Variants in ARRDC4 observed in about 807,000 individuals in gnomAD.
ARRDC4 encodes arrestin domain-containing protein 4.
Under a neutral mutation model 44.6 loss-of-function variants are expected in ARRDC4, and 40 were observed. The observed-to-expected ratio is 0.90, with a 90% CI of 0.70 to 1.17. The LOEUF is 1.17. ARRDC4 is among the 50% of genes most tolerant of loss of function. ARRDC4 has a pLI of 0.00. For synonymous variants in ARRDC4, 211 were observed against 221.2 expected, an observed-to-expected ratio of 0.95 and a Z score of 0.41; for missense variants, 550 against 559.1, an observed-to-expected ratio of 0.98 and a Z score of 0.16.
Position 97,966,053 on chromosome 15 carries a change from C to T in ARRDC4, c.522+11C>T. The T allele has an allele frequency of 6.2e-7, 1 of 1,613,788 alleles. No individual in the cohort carries two copies. On this transcript the variant is annotated intron_variant, in intron 3 of 7. Coordinates refer to ENST00000268042, the MANE Select transcript of ARRDC4 (RefSeq NM_183376.3). This position sits in a 1 kb window ranked among gnomAD's most constrained non-coding sequence, Gnocchi z 4.7. ...ACACCAGCATTATTAGTAAGTTCTT[C>T]CTTTTTCTCTTCCTCCTCCTTTTCC...
intron 1 of ARRDC4, among the ~76,000 whole-genome samples, chr15:97,964,449 T>C (rs1418370034): frequency 2.0e-5 from 3 of 152,180 alleles, no homozygotes; most frequent in Non-Finnish European, 4.4e-5. Flanking sequence ...GAAAGGACAG[T>C]GTATAAGTCT....
intron 5 of ARRDC4, 145 bp from the exon 6 acceptor site, chr15:97,969,738 C>A: frequency 1.3e-6 from 1 of 743,516 alleles, no homozygotes; most frequent in Non-Finnish European, 2.1e-6. Flanking sequence ...TTTGTTTAAT[C>A]AAGACAATTG....
rs763454177 is a variant in ARRDC4, at chr15:97,966,271, C to T, written c.522+229C>T. ...GTTAATACTATTGATTATGTCCCTGCTGTTCAGGGCTTCTTTTGCCAAAAA... is the reference window on the plus strand; with the variant it reads ...GTTAATACTATTGATTATGTCCCTGTTGTTCAGGGCTTCTTTTGCCAAAAA... On this transcript the variant is annotated intron_variant, in intron 3 of 7. Coordinates refer to ENST00000268042, the MANE Select transcript of ARRDC4 (RefSeq NM_183376.3). This position sits in a 1 kb window ranked among gnomAD's most constrained non-coding sequence, Gnocchi z 4.7. Among the ~76,000 whole-genome samples the T allele has an allele frequency of 6.6e-6, 1 of 152,100 alleles. No homozygotes were observed. The highest frequency in any genetic ancestry group is 1.5e-5 in the Non-Finnish European group (1 of 68,030).
rs951225090 is a variant in ARRDC4 at position 97,970,346 on chromosome 15, A to T, written c.1046-243A>T. Among the ~76,000 whole-genome samples, 5 of 152,146 alleles carry T rather than the reference A, an allele frequency of 3.3e-5. No homozygotes were observed. The highest frequency in any genetic ancestry group is 7.4e-5 in the Non-Finnish European group (5 of 68,022). The stretch of plus-strand genomic sequence containing the variant: ...GTATGGTGTGTTATGTCTTTTCTAT[A>T]GTCATATTTCAGTGATATTTGTTTA... On this transcript the variant is annotated intron_variant, in intron 6 of 7. Coordinates refer to ENST00000268042, the MANE Select transcript of ARRDC4 (RefSeq NM_183376.3). The surrounding 1 kb of genome is among the most constrained non-coding windows in gnomAD (Gnocchi z 4.2).
chr15:97,964,114 C>G (rs536723370), intron 1 of ARRDC4, among the ~76,000 whole-genome samples: 2 of 152,296 alleles, frequency 1.3e-5, no homozygotes, highest in African/African-American at 2.4e-5. Flanking sequence ...TTGATGTTAA[C>G]ACATTAAAAA....
intron 1 of ARRDC4, among the ~76,000 whole-genome samples, chr15:97,961,812 G>T (rs1334947653): frequency 6.6e-6 from 1 of 151,542 alleles, no homozygotes; most frequent in African/African-American, 2.4e-5. Flanking sequence ...CCTCCTACCC[G>T]CTTCTTCCCC....
In ARRDC4 at chr15:97,969,330, C is replaced by T; in HGVS notation, c.833C>T (p.Thr278Ile). The T allele has an allele frequency of 6.2e-7, 1 of 1,613,894 alleles. No individual in the cohort carries two copies. The highest frequency in any genetic ancestry group is 2.2e-5 in the East Asian group (1 of 44,878). ...AAAACGCTAAAAATCCCACCTGTTA[C>T]TCCATCCATCCTGGATTGCTGCATT... ...NGKTLKIPPV[T>I]PSILDCCIIR... is the part of the protein sequence containing the mutation. The change falls in exon 5 of 8, where the codon ACT becomes ATT. Residue 278 changes from threonine to isoleucine, a missense_variant. Thr to Ile is a moderately conservative substitution (Grantham distance 89). Coordinates refer to ENST00000268042, the MANE Select transcript of ARRDC4 (RefSeq NM_183376.3).
intron 4 of ARRDC4, 51 bp from the exon 5 acceptor site, chr15:97,969,072 A>T (rs1423642315): frequency 6.3e-7 from 1 of 1,587,318 alleles, no homozygotes; most frequent in South Asian, 1.1e-5. Context: ...CATTGTGGTG[A>T]GAACTTTTTC....
rs551083428 is a variant in ARRDC4, at chr15:97,962,853, C to T, written c.307+1685C>T. 1.1e-3 allele frequency among the ~76,000 whole-genome samples: 170 copies of T among 152,258 alleles called. 2 individuals are homozygous for T. The highest frequency in any genetic ancestry group is 2.2e-3 in the Admixed American group (34 of 15,294). On this transcript the variant is annotated intron_variant, in intron 1 of 7. Transcript: ENST00000268042. ...TTCTGGGGGTAATTTAATTACAAAA[C>T]CTGGCTGTGTTTCAATCACCTAAGG...
chr15:97,968,169 T>A lies in ARRDC4; in HGVS notation c.625+53T>A. On this transcript the variant is annotated intron_variant, in intron 4 of 7. Transcript: ENST00000268042. This position sits in a 1 kb window ranked among gnomAD's most constrained non-coding sequence, Gnocchi z 5.4. ...GAAAGATTTCATTCATTTTCTTAGC[T>A]AATTTTAAGTGATTTTAAATAGTGT... 8.2e-7 allele frequency: 1 copy of A among 1,218,554 alleles called. No homozygotes were observed. The allele number at this position is 1,218,554 out of a possible 1,614,324, so 75.5% of individuals were successfully genotyped here.
At chr15:97,964,090 C>G (rs1217177341) in intron 1 of ARRDC4, among the ~76,000 whole-genome samples, 5 of 152,188 alleles carry the variant, frequency 3.3e-5, no homozygotes. Context: ...AGGTGTGTCA[C>G]TTTTTTATCC....
Position 97,968,188 on chromosome 15 carries a change from A to AT in ARRDC4, c.625+73dup. On this transcript the variant is annotated intron_variant, in intron 4 of 7. Transcript: ENST00000268042. The surrounding 1 kb of genome is among the most constrained non-coding windows in gnomAD (Gnocchi z 5.4). Reference sequence around the variant, plus strand: ...CTTAGCTAATTTTAAGTGATTTTAAATAGTGTTTTTTGTAATTATATGACG... The same window carrying AT: ...CTTAGCTAATTTTAAGTGATTTTAAATTAGTGTTTTTTGTAATTATATGACG... 1 of 1,035,214 alleles carries AT rather than the reference A, an allele frequency of 9.7e-7. No homozygotes were observed. Among genetic ancestry groups the AT allele is most frequent in the Non-Finnish European group, 1.4e-6 (1 of 725,330 alleles). 64.1% of individuals were successfully genotyped at this position (1,035,214 alleles called of 1,614,324 possible).
In ARRDC4 at chr15:97,973,645, C is replaced by A. The variant is rs938752366; in HGVS notation, c.*2458C>A. 4 of 152,426 alleles carry A rather than the reference C, an allele frequency of 2.6e-5. No homozygotes were observed. The highest frequency in any genetic ancestry group is 4.4e-5 in the Non-Finnish European group (3 of 67,988). The allele number at this position is 152,426 out of a possible 1,614,324, so 9.4% of individuals were successfully genotyped here. A position where few individuals can be genotyped will look rare whatever the true frequency, so the allele number is the denominator to read the frequency against. ...TTGGTGCACAAAATCCTTCTGTGGG[C>A]AAAACTTTGTTTTTGTTTTGCACAG... On this transcript the variant is annotated 3_prime_UTR_variant, in exon 8 of 8. Transcript: ENST00000268042.
At position 97,970,865 on chromosome 15, in the gene ARRDC4, GT is replaced by G; in HGVS notation, c.1200+125del. 8.2e-7 allele frequency: 1 copy of G among 1,216,336 alleles called. No individual in the cohort carries two copies. Among genetic ancestry groups the G allele is most frequent in the Non-Finnish European group, 1.1e-6 (1 of 878,972 alleles). 75.3% of individuals were successfully genotyped at this position (1,216,336 alleles called of 1,614,324 possible). ...ATTAGTAAGGGATACATTTAAATTT[GT>G]TTATACAGTGGTAATAGATTATCGC... is the stretch of plus-strand genomic sequence containing the variant. On this transcript the variant is annotated intron_variant, in intron 7 of 7. Transcript: ENST00000268042. The surrounding 1 kb of genome is among the most constrained non-coding windows in gnomAD (Gnocchi z 4.2).
At position 97,973,376 on chromosome 15, in the gene ARRDC4, G is replaced by A. The variant is rs1899546808; in HGVS notation, c.*2189G>A. 1 of 152,520 alleles carries A rather than the reference G, an allele frequency of 6.6e-6. No homozygotes were observed. The highest frequency in any genetic ancestry group is 1.5e-5 in the Non-Finnish European group (1 of 68,010). 9.4% of individuals were successfully genotyped at this position (152,520 alleles called of 1,614,324 possible). A position where few individuals can be genotyped will look rare whatever the true frequency, so the allele number is the denominator to read the frequency against. ...ACTTAAGAGAATAGCTAAAAGGTGT[G>A]ACTTGCCTTATTGAAATGATACTGG... On this transcript the variant is annotated 3_prime_UTR_variant, in exon 8 of 8. Transcript: ENST00000268042.
In ARRDC4 at chr15:97,967,212, T is replaced by C. The variant is rs1899432018; in HGVS notation, c.523-802T>C. On this transcript the variant is annotated intron_variant, in intron 3 of 7. Transcript: ENST00000268042. The surrounding 1 kb of genome is among the most constrained non-coding windows in gnomAD (Gnocchi z 5.0). ...AGGCTGAATATTTTTAAAGTTTTTA[T>C]GACCATTGTGGGAATTGATTTAAAG... Among the ~76,000 whole-genome samples the C allele has an allele frequency of 6.6e-6, 1 of 152,196 alleles. No individual in the cohort carries two copies. The highest frequency in any genetic ancestry group is 2.4e-5 in the African/African-American group (1 of 41,456).
chr15:97,970,077 G>A lies in ARRDC4; in HGVS notation c.1045+32G>A. 3.8e-6 allele frequency: 6 copies of A among 1,592,432 alleles called. No individual in the cohort carries two copies. The highest frequency in any genetic ancestry group is 5.2e-6 in the Non-Finnish European group (6 of 1,164,002). On this transcript the variant is annotated intron_variant, in intron 6 of 7. Coordinates refer to ENST00000268042, the MANE Select transcript of ARRDC4 (RefSeq NM_183376.3). This position sits in a 1 kb window ranked among gnomAD's most constrained non-coding sequence, Gnocchi z 4.2. The stretch of plus-strand genomic sequence containing the variant: ...TATGTTGGCGTTCTTTCATAACGAA[G>A]CTTTACCTAGAAAATACCTAGGAAC...
chr15:97,972,413 G>C lies in ARRDC4; in HGVS notation c.*1226G>C, dbSNP rs1899531676. On this transcript the variant is annotated 3_prime_UTR_variant, in exon 8 of 8. Transcript: ENST00000268042. The surrounding 1 kb of genome is among the most constrained non-coding windows in gnomAD (Gnocchi z 5.3). ...TGTTTAAACTGTGATTTTCTTTATT[G>C]TGTTGGTGCAATATTTTATTATCAT... 6.6e-6 allele frequency: 1 copy of C among 152,462 alleles called. No individual in the cohort carries two copies. 9.4% of individuals were successfully genotyped at this position (152,462 alleles called of 1,614,324 possible).
At position 97,967,713 on chromosome 15, in the gene ARRDC4, A is replaced by T. The variant is rs1015348373; in HGVS notation, c.523-301A>T. Reference sequence around the variant, plus strand: ...TTTATAAGTCCTAATACAGCTTTTGATTTTTTTTTAAAAAAATGGTATATT... The same window carrying T: ...TTTATAAGTCCTAATACAGCTTTTGTTTTTTTTTTAAAAAAATGGTATATT... On this transcript the variant is annotated intron_variant, in intron 3 of 7. Coordinates refer to ENST00000268042, the MANE Select transcript of ARRDC4 (RefSeq NM_183376.3). The surrounding 1 kb of genome is among the most constrained non-coding windows in gnomAD (Gnocchi z 5.0). Among the ~76,000 whole-genome samples the T allele has an allele frequency of 6.6e-6, 1 of 151,306 alleles. No homozygotes were observed. Among genetic ancestry groups the T allele is most frequent in the African/African-American group, 2.4e-5 (1 of 41,184 alleles).
Sources: allele counts gnomAD v4.1 joint callset (sites outside exome capture counted in the v4.1 genomes callset), GRCh38; gene constraint gnomAD v4.1.1; non-coding constraint Gnocchi (gnomAD v3.1); transcripts MANE v1.5; gene names NCBI Gene and HGNC (gene_info 2026-07-23, HGNC 2026-07-21).